EPGN: variants seen among roughly 807,000 people sequenced by gnomAD.
The protein encoded by EPGN is epithelial mitogen.
EPGN carries 21 observed loss-of-function variants against 20.7 expected under a neutral mutation model. The ratio of observed to expected loss-of-function variants is 1.01; its 90% CI spans 0.72 to 1.46. The LOEUF (loss-of-function observed/expected upper bound fraction) is 1.46, where lower values mean the gene tolerates loss of function less well. Among genes scored for constraint, EPGN ranks in the 40% most tolerant of loss-of-function variants. The pLI is 0.00. For synonymous variants in EPGN, 69 were observed against 63.8 expected (o/e 1.08, Z -0.39); for missense variants, 199 against 180.7 (o/e 1.10, Z -0.58).
intron 4 of EPGN, chr4:74,314,220 AT>A (rs1751153730): frequency 2.1e-6 from 1 of 484,052 alleles, no homozygotes; most frequent in South Asian, 1.5e-5. Flanking sequence ...CCCCAGCCTG[AT>A]TCCACAGGGA....
In EPGN at chr4:74,316,273, TA is replaced by T. The variant is rs1751268706; in HGVS notation, c.*1639del. Among the ~76,000 whole-genome samples the T allele has an allele frequency of 6.6e-6, 1 of 152,062 alleles. No individual in the cohort carries two copies. The highest frequency in any genetic ancestry group is 1.5e-5 in the Non-Finnish European group (1 of 68,020). ...TATTTTTGAAGGAAATATAAAATAT[TA>T]AAGAGTAATAATAGCTATCATTTTT... is the stretch of plus-strand genomic sequence containing the variant. On this transcript the variant is annotated 3_prime_UTR_variant, in exon 5 of 5. Coordinates refer to ENST00000413830, the MANE Select transcript of EPGN (RefSeq NM_001270989.2).
At chr4:74,310,911 C>CT (rs538284574) in intron 2 of EPGN, among the ~76,000 whole-genome samples, 1 of 151,948 alleles carries the variant, frequency 6.6e-6, no homozygotes, top group Middle Eastern at 3.4e-3. Flanking sequence ...TGTACAGATG[C>CT]TTTTTTTTCA....
In EPGN at chr4:74,314,609, T is replaced by C; in HGVS notation, c.437T>C (p.Val146Ala). 6.5e-7 allele frequency: 1 copy of C among 1,536,082 alleles called. No individual in the cohort carries two copies. Among genetic ancestry groups the C allele is most frequent in the Non-Finnish European group, 8.7e-7 (1 of 1,146,838 alleles). Reference protein sequence around the residue: ...RCLKLKSPYNVCSGERRPL With the variant: ...RCLKLKSPYNACSGERRPL ...CTAAAATTGAAATCGCCTTACAATGTCTGTTCTGGAGAAAGACGACCACTG... is the reference window on the plus strand; with the variant it reads ...CTAAAATTGAAATCGCCTTACAATGCCTGTTCTGGAGAAAGACGACCACTG... Residue 146 changes from valine to alanine, a missense_variant, in exon 5 of 5, where the codon GTC (valine) becomes GCC (alanine). Transcript: ENST00000413830.
At position 74,315,330 on chromosome 4, in the gene EPGN, C is replaced by A. The variant is rs1423000333; in HGVS notation, c.*693C>A. ...CTGAAGACTGAAGCTATCTGGATAT[C>A]AAGTCTGGAGTAGGCAAAGCATTTC... On this transcript the variant is annotated 3_prime_UTR_variant, in exon 5 of 5. Coordinates refer to ENST00000413830, the MANE Select transcript of EPGN (RefSeq NM_001270989.2). 1 of 152,202 alleles carries A rather than the reference C, an allele frequency of 6.6e-6. No individual in the cohort carries two copies. Among genetic ancestry groups the A allele is most frequent in the Non-Finnish European group, 1.5e-5 (1 of 68,068 alleles). 9.4% of individuals were successfully genotyped at this position (152,202 alleles called of 1,614,324 possible). A position where few individuals can be genotyped will look rare whatever the true frequency, so the allele number is the denominator to read the frequency against.
chr4:74,315,716 C>T lies in EPGN; in HGVS notation c.*1079C>T, dbSNP rs746260825. Among the ~76,000 whole-genome samples the T allele has an allele frequency of 3.3e-5, 5 of 152,074 alleles. No homozygotes were observed. The highest frequency in any genetic ancestry group is 7.4e-5 in the Non-Finnish European group (5 of 68,010). ...CCTGTAATCCTAGCACTTTGGGAGG[C>T]CGAGGCGGATGGAGCACCTGAGGTC... On this transcript the variant is annotated 3_prime_UTR_variant, in exon 5 of 5. Coordinates refer to ENST00000413830, the MANE Select transcript of EPGN (RefSeq NM_001270989.2).
chr4:74,314,324 G>C lies in EPGN; in HGVS notation c.408-256G>C. 8 of 571,612 alleles carry C rather than the reference G, an allele frequency of 1.4e-5. No individual in the cohort carries two copies. In the South Asian group the frequency reaches 1.5e-4, roughly 11 times the overall value. The allele number at this position is 571,612 out of a possible 1,614,324, so 35.4% of individuals were successfully genotyped here. ...ATATTATTCAATCATGGATTCATGTGGGGTAAGGAACAGGGGCTTGTAATC... is the reference window on the plus strand; with the variant it reads ...ATATTATTCAATCATGGATTCATGTCGGGTAAGGAACAGGGGCTTGTAATC... On this transcript the variant is annotated intron_variant, in intron 4 of 4. Coordinates refer to ENST00000413830, the MANE Select transcript of EPGN (RefSeq NM_001270989.2).
At chr4:74,313,399 T>TCCCTTC in intron 4 of EPGN, 1 of 1,369,118 alleles carries the variant, frequency 7.3e-7, no homozygotes, top group Non-Finnish European at 9.3e-7. Context: ...ACGTACAGTC[T>TCCCTTC]CCCTTCAACC....
chr4:74,310,967 A>G (rs1334476234), intron 2 of EPGN, among the ~76,000 whole-genome samples: 2 of 152,188 alleles, frequency 1.3e-5, no homozygotes, highest in South Asian at 2.1e-4. Context: ...TGTGGAACCT[A>G]TGAATACAGA....
chr4:74,314,600 C>T lies in EPGN; in HGVS notation c.428C>T (p.Pro143Leu). The change falls in exon 5 of 5, where the codon CCT becomes CTT. Residue 143 changes from proline to leucine, a missense_variant. Physicochemically the swap from Pro to Leu is moderately conservative, Grantham distance 98. Transcript: ENST00000413830. ...TTCAGGTGTCTAAAATTGAAATCGC[C>T]TTACAATGTCTGTTCTGGAGAAAGA... ...IRKRCLKLKS[P>L]YNVCSGERRP... 2.6e-6 allele frequency: 4 copies of T among 1,536,006 alleles called. No homozygotes were observed. The highest frequency in any genetic ancestry group is 3.5e-6 in the Non-Finnish European group (4 of 1,146,822).
intron 2 of EPGN, among the ~76,000 whole-genome samples, chr4:74,310,822 A>G: frequency 6.6e-6 from 1 of 152,188 alleles, no homozygotes; most frequent in East Asian, 1.9e-4. Flanking sequence ...GTTATGCCTA[A>G]AACATTGTAA....
Position 74,312,351 on chromosome 4 carries a change from TA to T in EPGN, c.254+47del, listed in dbSNP as rs367967851. The T allele has an allele frequency of 5.7e-4, 892 of 1,578,014 alleles. 6 individuals are homozygous for T. In the African/African-American group the frequency reaches 0.011, roughly 20 times the overall value. ...AAGTCCTAGAGACAGGAGATGAGTT[TA>T]TGTCTCTGTTGTTTCATATAGTACA... On this transcript the variant is annotated intron_variant, in intron 3 of 4. Transcript: ENST00000413830.
rs1355924028 is a variant in EPGN at position 74,316,322 on chromosome 4, G to A, written c.*1685G>A. ...TTTTAAGATTCAATCTAAAACAATG[G>A]ACTCTTTTTTTTTCCATTTGTGATG... On this transcript the variant is annotated 3_prime_UTR_variant, in exon 5 of 5. Transcript: ENST00000413830. Among the ~76,000 whole-genome samples, 1 of 152,002 alleles carries A rather than the reference G, an allele frequency of 6.6e-6. No individual in the cohort carries two copies. The highest frequency in any genetic ancestry group is 1.9e-4 in the East Asian group (1 of 5,190).
Position 74,314,703 on chromosome 4 carries a change from A to G in EPGN, c.*66A>G. The G allele has an allele frequency of 7.1e-7, 1 of 1,401,724 alleles. No homozygotes were observed. 86.8% of individuals were successfully genotyped at this position (1,401,724 alleles called of 1,614,324 possible). A position where few individuals can be genotyped will look rare whatever the true frequency, so the allele number is the denominator to read the frequency against. Reference sequence around the variant, plus strand: ...CAGTGAGCCCAAAATTAAAGTTTTCAGATGAAACAACAAAACTTGTCAAGC... The same window carrying G: ...CAGTGAGCCCAAAATTAAAGTTTTCGGATGAAACAACAAAACTTGTCAAGC... On this transcript the variant is annotated 3_prime_UTR_variant, in exon 5 of 5. Coordinates refer to ENST00000413830, the MANE Select transcript of EPGN (RefSeq NM_001270989.2).
At chr4:74,312,724 T>A (rs991226676) in intron 3 of EPGN, among the ~76,000 whole-genome samples, 3 of 152,192 alleles carry the variant, frequency 2.0e-5, no homozygotes, top group Non-Finnish European at 4.4e-5. Context: ...ATTTTTATGA[T>A]CATGATTTGC....
intron 2 of EPGN, 46 bp from the exon 3 acceptor site, chr4:74,312,139 A>C (rs746220058): frequency 2.6e-6 from 4 of 1,553,598 alleles, no homozygotes; most frequent in Non-Finnish European, 3.5e-6. Flanking sequence ...TTTACCATAA[A>C]AGTAAGACAC....
Position 74,312,263 on chromosome 4 carries a change from G to A in EPGN, c.212G>A (p.Gly71Asp). 1.9e-6 allele frequency: 3 copies of A among 1,613,198 alleles called. No individual in the cohort carries two copies. The highest frequency in any genetic ancestry group is 1.1e-5 in the South Asian group (1 of 90,930). The change falls in exon 3 of 5, where the codon GGT becomes GAT. Residue 71 changes from glycine (G) to aspartate (D), a missense_variant. Gly to Asp is a moderately conservative substitution (Grantham distance 94). Coordinates refer to ENST00000413830, the MANE Select transcript of EPGN (RefSeq NM_001270989.2). Reference protein sequence around the residue: ...LEDHNSYCINGACAFHHELEK... With the variant: ...LEDHNSYCINDACAFHHELEK... ...GATCATAACAGTTACTGCATCAACG[G>A]TGCTTGTGCATTCCACCATGAGCTA...
At chr4:74,314,529 AC>A in intron 4 of EPGN, 50 bp from the exon 5 acceptor site, 2 of 1,508,532 alleles carry the variant, frequency 1.3e-6, no homozygotes, top group Non-Finnish European at 1.8e-6. Context: ...AGCTTCAATG[AC>A]CTATATGAAC....
intron 4 of EPGN, chr4:74,314,103 G>A (rs1751144894): frequency 1.1e-5 from 5 of 456,260 alleles, no homozygotes; most frequent in Non-Finnish European, 2.2e-5. Flanking sequence ...GTGATTAGTT[G>A]AGGGAGTACT....
intron 4 of EPGN, chr4:74,314,005 G>A: frequency 2.6e-6 from 1 of 391,302 alleles, no homozygotes; most frequent in Non-Finnish European, 5.0e-6. Context: ...GGGAGGAGGA[G>A]GAGGTAAGAC....
Sources: allele counts gnomAD v4.1 joint callset (sites outside exome capture counted in the v4.1 genomes callset), GRCh38; gene constraint gnomAD v4.1.1; transcripts MANE v1.5; gene names NCBI Gene and HGNC (gene_info 2026-07-23, HGNC 2026-07-21).